COL4A3: variants seen among roughly 807,000 people sequenced by gnomAD.
COL4A3 encodes collagen type IV alpha 3 chain, also known as collagen alpha-3(IV) chain.
In COL4A3, 135 loss-of-function variants were observed where a neutral mutation model predicts 217.4. That is an observed-to-expected ratio of 0.62 (90% CI 0.54 to 0.72). COL4A3 has a LOEUF of 0.72. COL4A3 is among the 30% of genes least tolerant of loss of function. The probability of loss-of-function intolerance (pLI) is 0.00; values close to 1 mark genes in which losing one functional copy is unlikely to be tolerated. For synonymous variants in COL4A3, 690 were observed against 736.3 expected (o/e 0.94, Z 1.02); for missense variants, 1,868 against 2,119.9 (o/e 0.88, Z 2.33).
At chr2:227,217,579 G>A (rs1182596348) in intron 1 of COL4A3, among the ~76,000 whole-genome samples, 2 of 152,184 alleles carry the variant, frequency 1.3e-5, no homozygotes, top group Non-Finnish European at 2.9e-5. Context: ...AATAATGCAT[G>A]ATGTACCATC....
chr2:227,273,146 T>C, intron 26 of COL4A3, 29 bp downstream of exon 26: 2 of 1,611,726 alleles, frequency 1.2e-6, no homozygotes, highest in Non-Finnish European at 1.7e-6. Flanking sequence ...CAGTCCTGTT[T>C]TCCGATGGAG....
At position 227,289,229 on chromosome 2, in the gene COL4A3, C is replaced by A; in HGVS notation, c.2961C>A (p.Pro987=). 1 of 1,613,522 alleles carries A rather than the reference C, an allele frequency of 6.2e-7. No individual in the cohort carries two copies. Among genetic ancestry groups the A allele is most frequent in the South Asian group, 1.1e-5 (1 of 90,984 alleles). The change falls in exon 35 of 52, where the codon CCC becomes CCA. Residue 987 remains proline (P), a synonymous_variant. Transcript: ENST00000396578. ...MPGLKGLKGL[P]GPAGPPGPRG... is the part of the protein sequence containing the mutation. ...GTTTAAAGGGCCTCAAAGGACTACC[C>A]GGACCAGCAGGACCACCAGGTACAG...
chr2:227,282,428 T>A lies in COL4A3; in HGVS notation c.2552T>A (p.Phe851Tyr), dbSNP rs762816967. 3 of 1,613,896 alleles carry A rather than the reference T, an allele frequency of 1.9e-6. No homozygotes were observed. The South Asian group carries it at 3.3e-5, about 18-fold the overall frequency. The part of the protein sequence containing the change: ...PGIPGLDRSG[F>Y]PGETGSPGIP... ...ATTCCAGGCTTGGATAGATCAGGAT[T>A]TCCTGGAGAAACTGGATCACCAGGA... is the stretch of plus-strand genomic sequence containing the variant. Residue 851 changes from phenylalanine to tyrosine, a missense_variant, in exon 32 of 52, where the codon TTT (phenylalanine) becomes TAT (tyrosine). Around this residue, in one of 2 missense-constraint regions of COL4A3, gnomAD observed 1,503 missense variants for 1,786.1 expected, o/e 0.84. Coordinates refer to ENST00000396578, the MANE Select transcript of COL4A3 (RefSeq NM_000091.5). This position sits in a 1 kb window ranked among gnomAD's most constrained non-coding sequence, Gnocchi z 4.4.
intron 9 of COL4A3, 113 bp downstream of exon 9, chr2:227,248,633 TAAG>T: frequency 1.4e-6 from 1 of 705,742 alleles, no homozygotes; most frequent in South Asian, 1.6e-5. Flanking sequence ...CTCACTCTCT[TAAG>T]AAGATTTTAA....
intron 1 of COL4A3, among the ~76,000 whole-genome samples, chr2:227,218,510 T>C (rs2125812535): frequency 6.6e-6 from 1 of 152,238 alleles, no homozygotes; most frequent in East Asian, 1.9e-4. Context: ...CTGCATTTTT[T>C]ATTAGGATAT....
intron 38 of COL4A3, 73 bp from the exon 39 acceptor site, chr2:227,294,417 C>G (rs2072930573): frequency 1.0e-6 from 1 of 992,044 alleles, no homozygotes; most frequent in Non-Finnish European, 1.6e-6. Context: ...TAAAAACAGA[C>G]CGTTTCAGTC....
intron 43 of COL4A3, 55 bp downstream of exon 43, chr2:227,298,867 A>G: frequency 6.8e-7 from 1 of 1,469,616 alleles, no homozygotes; most frequent in South Asian, 1.2e-5. Context: ...ACTTATAATT[A>G]TTCTTATATT....
intron 36 of COL4A3, 64 bp from the exon 37 acceptor site, chr2:227,290,683 A>G (rs1223224185): frequency 1.9e-6 from 3 of 1,550,210 alleles, no homozygotes; most frequent in Non-Finnish European, 2.7e-6. Flanking sequence ...TAAAACTGAA[A>G]AGTAGAAAAC....
intron 14 of COL4A3, 64 bp from the exon 15 acceptor site, chr2:227,254,592 A>C: frequency 6.3e-6 from 8 of 1,261,666 alleles, no homozygotes; most frequent in Non-Finnish European, 9.3e-6. Context: ...ACAAATTAAT[A>C]AAAATCAATG....
At position 227,203,249 on chromosome 2, in the gene COL4A3, A is replaced by ATGTGTATATATG. The variant is rs1200807514; in HGVS notation, c.88-34716_88-34715insGTATATATGTGT. Among the ~76,000 whole-genome samples the ATGTGTATATATG allele has an allele frequency of 3.2e-4, 5 of 15,558 alleles. 2 individuals carry two copies. The South Asian group carries it at 0.013, about 40-fold the overall frequency. 10.2% of individuals were successfully genotyped at this position (15,558 alleles called of 152,430 possible). A position where few individuals can be genotyped will look rare whatever the true frequency, so the allele number is the denominator to read the frequency against. ...TGTATATATGTGTATATATACATATATGTATATATACATATATGTGTATAT... is the reference window on the plus strand; with the variant it reads ...TGTATATATGTGTATATATACATATATGTGTATATATGTGTATATATACATATATGTGTATAT... On this transcript the variant is annotated intron_variant, in intron 1 of 51. Transcript: ENST00000396578.
chr2:227,311,774 T>C lies in COL4A3; in HGVS notation c.4929-12T>C. ...TAAATAAATGAATTTTTTTGGTTTG[T>C]TTTTATTTCAGAAAGCCTATTCCAT... is the stretch of plus-strand genomic sequence containing the variant. On this transcript the variant is annotated splice_polypyrimidine_tract_variant and intron_variant, in intron 51 of 51. Coordinates refer to ENST00000396578, the MANE Select transcript of COL4A3 (RefSeq NM_000091.5). The C allele has an allele frequency of 1.2e-6, 2 of 1,612,278 alleles. No homozygotes were observed. The highest frequency in any genetic ancestry group is 1.7e-6 in the Non-Finnish European group (2 of 1,179,558).
intron 1 of COL4A3, among the ~76,000 whole-genome samples, chr2:227,235,923 G>A (rs577287097): frequency 2.6e-5 from 4 of 151,166 alleles, no homozygotes; most frequent in South Asian, 2.1e-4. Context: ...ACAGATGCCC[G>A]CCACCACATC....
intron 1 of COL4A3, among the ~76,000 whole-genome samples, chr2:227,204,427 T>A (rs1297823901): frequency 6.6e-6 from 1 of 152,164 alleles, no homozygotes; most frequent in Non-Finnish European, 1.5e-5. Context: ...GGCTTCACAC[T>A]TATCCTTTAC....
At chr2:227,183,301 A>G (rs6713964) in intron 1 of COL4A3, among the ~76,000 whole-genome samples, 25,923 of 152,146 alleles carry the variant, frequency 0.17, 2,389 homozygotes, top group Admixed American at 0.25. Context: ...TGGGGCCTCC[A>G]GGAGAAGGAG....
intron 1 of COL4A3, among the ~76,000 whole-genome samples, chr2:227,196,052 G>C (rs1368588878): frequency 6.6e-6 from 1 of 152,088 alleles, no homozygotes; most frequent in Non-Finnish European, 1.5e-5. Flanking sequence ...TGTTATTACA[G>C]AGGAATCAAG....
chr2:227,173,597 T>C (rs764170364), intron 1 of COL4A3, among the ~76,000 whole-genome samples: 4 of 152,178 alleles, frequency 2.6e-5, no homozygotes, highest in Non-Finnish European at 5.9e-5. Flanking sequence ...TAAACATCTG[T>C]TTCCATGCTA....
At chr2:227,246,118 T>C in intron 6 of COL4A3, 102 bp downstream of exon 6, 1 of 919,424 alleles carries the variant, frequency 1.1e-6, no homozygotes, top group Non-Finnish European at 1.8e-6. Context: ...CTTGAAAACA[T>C]TCCTTTAGGC....
Position 227,253,392 on chromosome 2 carries a change from T to C in COL4A3, c.687+55T>C. 1.3e-6 allele frequency: 2 copies of C among 1,572,294 alleles called. No individual in the cohort carries two copies. Among genetic ancestry groups the C allele is most frequent in the Non-Finnish European group, 1.8e-6 (2 of 1,141,962 alleles). On this transcript the variant is annotated intron_variant, in intron 12 of 51. Transcript: ENST00000396578. The surrounding 1 kb of genome is among the most constrained non-coding windows in gnomAD (Gnocchi z 4.4). ...GCGAGATATTTTATGTCCCAGAGCA[T>C]ATCAGCCTATACCGTTTACTTACGG...
chr2:227,290,159 G>A, intron 36 of COL4A3, 71 bp downstream of exon 36: 11 of 1,463,932 alleles, frequency 7.5e-6, no homozygotes, highest in Non-Finnish European at 9.6e-6. Flanking sequence ...TCTGTGTTGT[G>A]TACTGTTTTG....
Sources: allele counts gnomAD v4.1 joint callset (sites outside exome capture counted in the v4.1 genomes callset), GRCh38; gene constraint gnomAD v4.1.1; regional missense constraint gnomAD v4.1.1; non-coding constraint Gnocchi (gnomAD v3.1); transcripts MANE v1.5; gene names NCBI Gene and HGNC (gene_info 2026-07-23, HGNC 2026-07-21).